Variants in WWTR1 observed in about 807,000 individuals in gnomAD.
WWTR1 encodes the protein WW domain containing transcription regulator 1, also known as WW domain-containing transcription regulator protein 1.
Under a neutral mutation model 40.1 loss-of-function variants are expected in WWTR1, and 13 were observed. The ratio of observed to expected loss-of-function variants is 0.32; its 90% CI spans 0.21 to 0.52. The LOEUF (loss-of-function observed/expected upper bound fraction) is 0.52. Among genes scored for constraint, WWTR1 ranks in the 20% least tolerant of loss-of-function variants. WWTR1 has a pLI of 0.97. For synonymous variants in WWTR1, 230 were observed against 210.1 expected (o/e 1.09, Z -0.82); for missense variants, 436 against 523.1 (o/e 0.83, Z 1.63).
chr3:149,603,854 C>CAAAAAAAAAA lies in WWTR1; in HGVS notation c.432-30864_432-30855dup, dbSNP rs370980729. Among the ~76,000 whole-genome samples, 2 of 83,284 alleles carry CAAAAAAAAAA rather than the reference C, an allele frequency of 2.4e-5. 1 individual carries two copies. Among genetic ancestry groups the CAAAAAAAAAA allele is most frequent in the Non-Finnish European group, 4.6e-5 (2 of 43,220 alleles). 54.6% of individuals were successfully genotyped at this position (83,284 alleles called of 152,430 possible). On this transcript the variant is annotated intron_variant, in intron 2 of 6. Coordinates refer to ENST00000360632, the MANE Select transcript of WWTR1 (RefSeq NM_015472.6). ...TACTGGTGCTACATAAGCGGCATAC[C>CAAAAAAAAAA]AAAAAAAAAAAAAAAAAAAAGCATG...
chr3:149,704,521 A>G (rs7611580), upstream of WWTR1, among the ~76,000 whole-genome samples: 51,434 of 152,070 alleles, frequency 0.34, 8,888 homozygotes, highest in South Asian at 0.4. Context: ...GACAGATTTG[A>G]AAAAAGGCTT....
chr3:149,600,658 A>T (rs901277742), intron 2 of WWTR1, among the ~76,000 whole-genome samples: 2 of 152,224 alleles, frequency 1.3e-5, no homozygotes, highest in African/African-American at 4.8e-5. Flanking sequence ...TACCCATTTG[A>T]TACATTAAAT....
At chr3:149,683,716 G>C (rs1216891404) in intron 1 of WWTR1, among the ~76,000 whole-genome samples, 1 of 152,040 alleles carries the variant, frequency 6.6e-6, no homozygotes, top group Non-Finnish European at 1.5e-5. Context: ...AAAAGAAAAA[G>C]AACAGGATAG....
At chr3:149,546,905 C>T (rs183732958) in intron 3 of WWTR1, among the ~76,000 whole-genome samples, 76 of 152,138 alleles carry the variant, frequency 5.0e-4, no homozygotes, top group Non-Finnish European at 8.7e-4. Context: ...GTCATAAAAC[C>T]GGTCGGTATC....
intron 2 of WWTR1, among the ~76,000 whole-genome samples, chr3:149,625,295 T>C (rs2108095317): frequency 6.6e-6 from 1 of 151,644 alleles, no homozygotes; most frequent in South Asian, 2.1e-4. Context: ...ATTTTTTGTA[T>C]TTTTAGTAGA....
At chr3:149,678,836 T>A (rs961430146) in intron 1 of WWTR1, among the ~76,000 whole-genome samples, 4 of 149,528 alleles carry the variant, frequency 2.7e-5, no homozygotes, top group Non-Finnish European at 5.9e-5. Flanking sequence ...TTTTTTTTTT[T>A]TTTTTGATGG....
intron 2 of WWTR1, among the ~76,000 whole-genome samples, chr3:149,619,583 A>T (rs956588501): frequency 6.6e-6 from 1 of 152,166 alleles, no homozygotes; most frequent in African/African-American, 2.4e-5. Flanking sequence ...TGATCACACC[A>T]CTGTATTCCA....
At chr3:149,578,709 C>T (rs138746039) in intron 2 of WWTR1, among the ~76,000 whole-genome samples, 1 of 152,002 alleles carries the variant, frequency 6.6e-6, no homozygotes. Flanking sequence ...ACTAGCCTGG[C>T]GAACATGGAG....
chr3:149,667,693 C>G (rs1036585621), intron 2 of WWTR1, among the ~76,000 whole-genome samples: 1 of 152,170 alleles, frequency 6.6e-6, no homozygotes, highest in Non-Finnish European at 1.5e-5. Context: ...GGAGGTATCA[C>G]ATGAAGCTCT....
intron 2 of WWTR1, among the ~76,000 whole-genome samples, chr3:149,580,948 C>G (rs1377324395): frequency 6.6e-6 from 1 of 152,170 alleles, no homozygotes; most frequent in Non-Finnish European, 1.5e-5. Flanking sequence ...GTACATTGAT[C>G]TCCTCTGCTT....
chr3:149,588,181 C>T (rs1029844481), intron 2 of WWTR1, among the ~76,000 whole-genome samples: 1 of 152,170 alleles, frequency 6.6e-6, no homozygotes, highest in Non-Finnish European at 1.5e-5. Context: ...AATAGACATA[C>T]GTTTCTGCTT....
intron 2 of WWTR1, among the ~76,000 whole-genome samples, chr3:149,596,046 A>C (rs964769196): frequency 1.3e-5 from 2 of 152,150 alleles, no homozygotes; most frequent in African/African-American, 4.8e-5. Flanking sequence ...TCAAAAAAAA[A>C]CAAAAACAAA....
At chr3:149,719,419 C>T (rs555813742) in intron 4 of WWTR1, among the ~76,000 whole-genome samples, 1 of 152,254 alleles carries the variant, frequency 6.6e-6, no homozygotes, top group African/African-American at 2.4e-5. Flanking sequence ...GATCCACCTG[C>T]CTCGGCTTCC....
intron 2 of WWTR1, among the ~76,000 whole-genome samples, chr3:149,640,127 T>C (rs549835140): frequency 1.3e-5 from 2 of 152,254 alleles, no homozygotes; most frequent in South Asian, 2.1e-4. Flanking sequence ...TTCACAAGAA[T>C]TGTGCCTACT....
intron 6 of WWTR1, among the ~76,000 whole-genome samples, chr3:149,522,279 A>G (rs181025903): frequency 6.6e-6 from 1 of 152,284 alleles, no homozygotes; most frequent in Non-Finnish European, 1.5e-5. Context: ...CCGAAAGTTC[A>G]CTTTAGCAAT....
intron 4 of WWTR1, among the ~76,000 whole-genome samples, chr3:149,530,382 A>G (rs1379962961): frequency 6.6e-6 from 1 of 151,916 alleles, no homozygotes; most frequent in Non-Finnish European, 1.5e-5. Context: ...TTGAATCTGC[A>G]ATTTCCAGGA....
chr3:149,543,581 A>AAAAAAAAAAAAAAAAG (rs1736230883), intron 3 of WWTR1, among the ~76,000 whole-genome samples: 1 of 23,794 alleles, frequency 4.2e-5, no homozygotes, highest in Non-Finnish European at 8.0e-5. Flanking sequence ...ACTCTGTCTC[A>AAAAAAAAAAAAAAAAG]AAAAAAAAAA....
In WWTR1 at chr3:149,635,125, T is replaced by C. The variant is rs112857854; in HGVS notation, c.431+21751A>G. On this transcript the variant is annotated intron_variant, in intron 2 of 6. Transcript: ENST00000360632. ...CTTCATGTGGTTGTGACAATGTTCCTCTTCTCCTGGCTAGCTCACAGGAGT... is the reference window on the plus strand; with the variant it reads ...CTTCATGTGGTTGTGACAATGTTCCCCTTCTCCTGGCTAGCTCACAGGAGT... Among the ~76,000 whole-genome samples, 342 of 152,348 alleles carry C rather than the reference T, an allele frequency of 2.2e-3. 1 individual carries two copies. The highest frequency in any genetic ancestry group is 7.7e-3 in the African/African-American group (321 of 41,580).
At chr3:149,693,277 A>G (rs984635950) in intron 1 of WWTR1, among the ~76,000 whole-genome samples, 1 of 151,998 alleles carries the variant, frequency 6.6e-6, no homozygotes, top group African/African-American at 2.4e-5. Context: ...TTAACGAAAG[A>G]AGTGGTGATC....
Sources: allele counts gnomAD v4.1 joint callset (sites outside exome capture counted in the v4.1 genomes callset), GRCh38; gene constraint gnomAD v4.1.1; transcripts MANE v1.5; gene names NCBI Gene and HGNC (gene_info 2026-07-23, HGNC 2026-07-21).